Variants in PCDH15 observed in about 807,000 individuals in gnomAD.
The protein encoded by PCDH15 is protocadherin-15.
Under a neutral mutation model 178.5 loss-of-function variants are expected in PCDH15, and 129 were observed. That is an observed-to-expected ratio of 0.72 (90% CI 0.63 to 0.84). PCDH15 has a LOEUF of 0.84. Ranked by LOEUF, PCDH15 falls within the 40% of genes least tolerant of loss-of-function variation. The probability of loss-of-function intolerance (pLI) is 0.00; values close to 1 mark genes in which losing one functional copy is unlikely to be tolerated. For synonymous variants in PCDH15, 800 were observed against 732.0 expected, an observed-to-expected ratio of 1.09 and a Z score of -1.50; for missense variants, 2,230 against 2,099.9, an observed-to-expected ratio of 1.06 and a Z score of -1.21.
At chr10:55,371,686 C>T (rs1845512550) in intron 2 of PCDH15, among the ~76,000 whole-genome samples, 1 of 152,050 alleles carries the variant, frequency 6.6e-6, no homozygotes, top group Non-Finnish European at 1.5e-5. Flanking sequence ...TGTATGTTTC[C>T]TGAAGCCTCC....
At chr10:54,544,744 T>C (rs1234412578) in intron 2 of PCDH15, among the ~76,000 whole-genome samples, 1 of 152,144 alleles carries the variant, frequency 6.6e-6, no homozygotes, top group African/African-American at 2.4e-5. Flanking sequence ...CACGCAATGG[T>C]TTTCTCTACT....
chr10:55,262,407 A>G (rs1272085083), intron 1 of PCDH15, among the ~76,000 whole-genome samples: 2 of 152,162 alleles, frequency 1.3e-5, no homozygotes, highest in Non-Finnish European at 2.9e-5. Context: ...CTGGCCCACC[A>G]TGCTTTCATC....
intron 17 of PCDH15, among the ~76,000 whole-genome samples, chr10:54,073,156 A>G (rs1192206506): frequency 2.6e-5 from 4 of 151,806 alleles, no homozygotes; most frequent in Admixed American, 2.6e-4. Flanking sequence ...TACACATTTT[A>G]TGCAATCGTG....
At chr10:54,462,467 C>T (rs1208114478) in intron 3 of PCDH15, among the ~76,000 whole-genome samples, 4 of 138,420 alleles carry the variant, frequency 2.9e-5, no homozygotes, top group African/African-American at 1.1e-4. Flanking sequence ...ATTTGTTAAT[C>T]CTTTCTTTCT....
intron 3 of PCDH15, among the ~76,000 whole-genome samples, chr10:54,418,871 T>C (rs1289933315): frequency 6.6e-6 from 1 of 151,974 alleles, no homozygotes; most frequent in East Asian, 1.9e-4. Flanking sequence ...TTGGGAAATA[T>C]TTGCAACATT....
chr10:55,320,701 T>C (rs149891793), upstream of PCDH15, among the ~76,000 whole-genome samples: 33 of 152,174 alleles, frequency 2.2e-4, no homozygotes, highest in East Asian at 4.3e-3. Flanking sequence ...CCAGAAATGA[T>C]GCCAGTTGAC....
chr10:54,575,389 C>A (rs1217473734), intron 2 of PCDH15: 1 of 153,058 alleles, frequency 6.5e-6, no homozygotes, highest in Non-Finnish European at 1.5e-5. Flanking sequence ...ATAACTAATT[C>A]CTAATATTAG....
chr10:53,913,382 A>G (rs920308366), intron 25 of PCDH15, among the ~76,000 whole-genome samples: 1 of 152,148 alleles, frequency 6.6e-6, no homozygotes, highest in Non-Finnish European at 1.5e-5. Context: ...AGGCATGACT[A>G]AAACACCAAA....
chr10:54,773,550 T>C (rs957759624), intron 1 of PCDH15, among the ~76,000 whole-genome samples: 51 of 152,172 alleles, frequency 3.4e-4, no homozygotes, highest in African/African-American at 1.1e-3. Flanking sequence ...TTACTTTTGA[T>C]ATCACATGGA....
intron 25 of PCDH15, among the ~76,000 whole-genome samples, chr10:53,908,486 C>T (rs1554854100): frequency 6.6e-6 from 1 of 152,148 alleles, no homozygotes; most frequent in Non-Finnish European, 1.5e-5. Context: ...TCTTTTTTGA[C>T]TGTGTCCTAT....
intron 2 of PCDH15, among the ~76,000 whole-genome samples, chr10:55,057,428 T>C (rs945622369): frequency 6.6e-6 from 1 of 152,178 alleles, no homozygotes; most frequent in Non-Finnish European, 1.5e-5. Context: ...ATTTTTCAAG[T>C]TATTAATAAG....
At chr10:55,340,369 G>T (rs1588931369) in intron 2 of PCDH15, among the ~76,000 whole-genome samples, 1 of 151,962 alleles carries the variant, frequency 6.6e-6, no homozygotes, top group East Asian at 1.9e-4. Context: ...TGGAGTGATT[G>T]TTGCAGCATC....
intron 2 of PCDH15, among the ~76,000 whole-genome samples, chr10:54,605,120 A>G (rs1479277943): frequency 6.6e-6 from 1 of 151,918 alleles, no homozygotes; most frequent in East Asian, 1.9e-4. Flanking sequence ...TTTTAGTTAT[A>G]CCTATATTTA....
At chr10:54,748,071 C>G (rs1242659030) in intron 1 of PCDH15, among the ~76,000 whole-genome samples, 2 of 152,060 alleles carry the variant, frequency 1.3e-5, no homozygotes, top group Non-Finnish European at 2.9e-5. Context: ...TCCCAAAGTG[C>G]TGGAATTACA....
At chr10:55,100,135 C>T (rs1177238897) in intron 2 of PCDH15, among the ~76,000 whole-genome samples, 1 of 152,012 alleles carries the variant, frequency 6.6e-6, no homozygotes, top group African/African-American at 2.4e-5. Context: ...TCATGAACTG[C>T]TACTATCTTA....
chr10:54,090,717 TTTCTGTTCAGAATATATCAAGACAATAA>T (rs1248969304), intron 15 of PCDH15, among the ~76,000 whole-genome samples: 6 of 152,166 alleles, frequency 3.9e-5, no homozygotes, highest in Admixed American at 1.3e-4. Flanking sequence ...TTCTTTTCTT[TTTCTGTTCAGAATATATCAAGACAATAA>T]TTCAAATCAG....
chr10:54,857,461 T>C (rs1051502145), intron 3 of PCDH15, among the ~76,000 whole-genome samples: 5 of 152,174 alleles, frequency 3.3e-5, no homozygotes. Flanking sequence ...TACTTTTTTT[T>C]GACATACAAG....
chr10:53,930,622 C>G (rs1055659708), intron 25 of PCDH15, among the ~76,000 whole-genome samples: 1 of 152,060 alleles, frequency 6.6e-6, no homozygotes, highest in Non-Finnish European at 1.5e-5. Flanking sequence ...TTTATCTGAG[C>G]TCTTTCCTCA....
chr10:54,995,296 A>T (rs542490937), intron 2 of PCDH15, among the ~76,000 whole-genome samples: 13 of 151,496 alleles, frequency 8.6e-5, no homozygotes, highest in Admixed American at 4.0e-4. Flanking sequence ...GAATGGCGTG[A>T]ACCCGGGAGT....
Sources: allele counts gnomAD v4.1 joint callset (sites outside exome capture counted in the v4.1 genomes callset), GRCh38; gene constraint gnomAD v4.1.1; transcripts MANE v1.5; gene names NCBI Gene and HGNC (gene_info 2026-07-23, HGNC 2026-07-21).